GAA: variants seen among roughly 807,000 people sequenced by gnomAD.
GAA encodes lysosomal alpha-glucosidase.
Under a neutral mutation model 103.9 loss-of-function variants are expected in GAA, and 88 were observed. The observed-to-expected ratio is 0.85, with a 90% CI of 0.71 to 1.01. The LOEUF (loss-of-function observed/expected upper bound fraction) is 1.01, where lower values mean the gene tolerates loss of function less well. Among genes scored for constraint, GAA ranks in the 50% least tolerant of loss-of-function variants. The pLI is 0.00. For synonymous variants in GAA, 572 were observed against 563.1 expected (o/e 1.02, Z -0.22); for missense variants, 1,350 against 1,305.3 (o/e 1.03, Z -0.53).
chr17:80,119,271 G>C lies in GAA; in HGVS notation c.2800-1G>C, dbSNP rs1328159128. The C allele has an allele frequency of 6.2e-7, 1 of 1,614,008 alleles. No homozygotes were observed. The highest frequency in any genetic ancestry group is 8.5e-7 in the Non-Finnish European group (1 of 1,179,900). On this transcript the variant is annotated splice_acceptor_variant, in intron 19 of 19. Transcript: ENST00000302262. LOFTEE classifies it high-confidence loss of function. ...CTCCATTTGTGCTCTCTCTTTTCCA[G>C]GTCCTGGACATCTGTGTCTCGCTGT...
At position 80,110,713 on chromosome 17, in the gene GAA, C is replaced by T; in HGVS notation, c.1438-14C>T. 5.6e-6 allele frequency: 9 copies of T among 1,612,204 alleles called. No individual in the cohort carries two copies. The highest frequency in any genetic ancestry group is 7.6e-6 in the Non-Finnish European group (9 of 1,178,688). ...TGGGGCCGGGTCTCCCCACTGCAGC[C>T]TCTCGTTGTCCAGGTATGGCCCGGG... On this transcript the variant is annotated splice_polypyrimidine_tract_variant and intron_variant, in intron 9 of 19. Transcript: ENST00000302262.
intron 1 of GAA, chr17:80,102,530 A>G (rs2038978614): frequency 6.6e-6 from 1 of 152,236 alleles, no homozygotes; most frequent in Non-Finnish European, 1.5e-5. Context: ...GGCTTAGTCA[A>G]CCATGCCTGC....
Position 80,113,000 on chromosome 17 carries a change from G to T in GAA, c.2013G>T (p.Met671Ile), listed in dbSNP as rs2039279895. 6.2e-7 allele frequency: 1 copy of T among 1,610,962 alleles called. No homozygotes were observed. Among genetic ancestry groups the T allele is most frequent in the Non-Finnish European group, 8.5e-7 (1 of 1,179,268 alleles). The stretch of plus-strand genomic sequence containing the variant: ...AGCTGGGGGCCTTCTACCCCTTCAT[G>T]CGGAACCACAACAGCCTGCTCAGTC... The part of the protein sequence containing the change: ...WTQLGAFYPF[M>I]RNHNSLLSLP... Residue 671 changes from methionine (M) to isoleucine (I), a missense_variant, in exon 14 of 20, where the codon ATG becomes ATT. By Grantham distance (10) the Met-to-Ile change is conservative (BLOSUM62 1). Coordinates refer to ENST00000302262, the MANE Select transcript of GAA (RefSeq NM_000152.5).
chr17:80,106,226 A>G (rs2039084083), intron 3 of GAA, among the ~76,000 whole-genome samples: 1 of 152,054 alleles, frequency 6.6e-6, no homozygotes, highest in African/African-American at 2.4e-5. Flanking sequence ...TTTTTTGCTC[A>G]TTCATTTACT....
intron 3 of GAA, among the ~76,000 whole-genome samples, chr17:80,106,646 G>A (rs769800137): frequency 2.6e-5 from 4 of 152,200 alleles, no homozygotes; most frequent in Non-Finnish European, 4.4e-5. Flanking sequence ...AGCTAGGTAT[G>A]GTGGTTCATG....
intron 3 of GAA, among the ~76,000 whole-genome samples, chr17:80,106,865 T>G (rs1458025452): frequency 6.6e-6 from 1 of 152,192 alleles, no homozygotes. Context: ...GAGGTTGCAG[T>G]GAACCATGAT....
intron 1 of GAA, among the ~76,000 whole-genome samples, chr17:80,103,438 C>T (rs2038999469): frequency 6.6e-6 from 1 of 152,176 alleles, no homozygotes; most frequent in Non-Finnish European, 1.5e-5. Context: ...CCACGCCCTC[C>T]CCATGGTGTA....
intron 5 of GAA, among the ~76,000 whole-genome samples, 162 bp from the exon 6 acceptor site, chr17:80,108,128 A>G (rs950923867): frequency 1.3e-5 from 2 of 152,170 alleles, no homozygotes; most frequent in Non-Finnish European, 2.9e-5. Context: ...GTCCCATGCC[A>G]GGTTCCTCCT....
At chr17:80,118,390 G>C (rs765813610) in intron 18 of GAA, 33 bp downstream of exon 18, 1 of 1,556,918 alleles carries the variant, frequency 6.4e-7, no homozygotes, top group Non-Finnish European at 8.7e-7. Flanking sequence ...CTGGTGGGCA[G>C]GGGCCGGCTC....
At chr17:80,102,218 G>C (rs1465347982) in intron 1 of GAA, 1 of 152,354 alleles carries the variant, frequency 6.6e-6, no homozygotes, top group Non-Finnish European at 1.5e-5. Context: ...CTGGGGTGAG[G>C]AGCACCGTGG....
chr17:80,113,173 G>A (rs375909510), intron 14 of GAA, 45 bp from the exon 15 acceptor site: 90 of 1,558,218 alleles, frequency 5.8e-5, no homozygotes, highest in Middle Eastern at 1.7e-4. Flanking sequence ...AGGGGACCGC[G>A]GCCCCAGCAC....
chr17:80,117,020 G>C lies in GAA; in HGVS notation c.2242G>C (p.Glu748Gln). The change falls in exon 16 of 20, where the codon GAG becomes CAG. Residue 748 changes from glutamate (E) to glutamine (Q), a missense_variant. Physicochemically the swap from Glu to Gln is conservative, Grantham distance 29 (BLOSUM62 2). Transcript: ENST00000302262. ...WTVDHQLLWG[E>Q]ALLITPVLQA... The stretch of plus-strand genomic sequence containing the variant: ...TGTGGACCACCAGCTCCTGTGGGGG[G>C]AGGCCCTGCTCATCACCCCAGTGCT... The C allele has an allele frequency of 6.2e-7, 1 of 1,613,750 alleles. No individual in the cohort carries two copies. The highest frequency in any genetic ancestry group is 1.1e-5 in the South Asian group (1 of 91,088).
chr17:80,115,198 G>A (rs564092517), intron 15 of GAA, among the ~76,000 whole-genome samples: 3 of 152,134 alleles, frequency 2.0e-5, no homozygotes, highest in African/African-American at 7.2e-5. Context: ...TGGGACTTCC[G>A]TTCCACACAT....
Position 80,118,693 on chromosome 17 carries a change from GAGCTGGCCTGCAGCTGC to G in GAA, c.2690_2706del (p.Ala897GlufsTer115). Reference sequence around the variant, plus strand: ...GAGCTGGTACGTGTGACCAGTGAGGGAGCTGGCCTGCAGCTGCAGAAGGTGACTGTCCTGGGCGTGGC... The same window carrying G: ...GAGCTGGTACGTGTGACCAGTGAGGGAGAAGGTGACTGTCCTGGGCGTGGC... On this transcript the variant is annotated frameshift_variant, in exon 19 of 20. Coordinates refer to ENST00000302262, the MANE Select transcript of GAA (RefSeq NM_000152.5). LOFTEE classifies it high-confidence loss of function. The G allele has an allele frequency of 2.5e-6, 4 of 1,613,040 alleles. No homozygotes were observed. Among genetic ancestry groups the G allele is most frequent in the Non-Finnish European group, 3.4e-6 (4 of 1,179,988 alleles).
Position 80,113,341 on chromosome 17 carries a change from A to G in GAA, c.2164A>G (p.Thr722Ala), listed in dbSNP as rs774307734. ...CCACCAGGCCCACGTCGCGGGGGAG[A>G]CCGTGGCCCGGCCCCTCTTCCTGGA... is the stretch of plus-strand genomic sequence containing the variant. ...LFHQAHVAGETVARPLFLEFP... is the reference protein window; with the variant it reads ...LFHQAHVAGEAVARPLFLEFP... The change falls in exon 15 of 20, where the codon ACC (threonine) becomes GCC (alanine). Residue 722 changes from threonine (T) to alanine (A), a missense_variant. Thr to Ala is a moderately conservative substitution (Grantham distance 58). Transcript: ENST00000302262. 6.3e-7 allele frequency: 1 copy of G among 1,590,644 alleles called. No individual in the cohort carries two copies.
chr17:80,113,957 G>A (rs1459186343), intron 15 of GAA, among the ~76,000 whole-genome samples: 1 of 151,692 alleles, frequency 6.6e-6, no homozygotes, highest in African/African-American at 2.4e-5. Context: ...GGAGGAGATT[G>A]CAGTGAGCCG....
intron 13 of GAA, 25 bp downstream of exon 13, chr17:80,112,736 C>T: frequency 5.0e-6 from 8 of 1,597,588 alleles, no homozygotes; most frequent in Non-Finnish European, 6.8e-6. Flanking sequence ...GGAGGGGCTG[C>T]TCAGCAGAGT....
chr17:80,108,694 C>T lies in GAA; in HGVS notation c.1195-3C>T, dbSNP rs761795224. 6.2e-7 allele frequency: 1 copy of T among 1,612,230 alleles called. No homozygotes were observed. Among genetic ancestry groups the T allele is most frequent in the Non-Finnish European group, 8.5e-7 (1 of 1,179,842 alleles). On this transcript the variant is annotated splice_region_variant and splice_polypyrimidine_tract_variant and intron_variant, in intron 7 of 19. Transcript: ENST00000302262. ...AGCAGACGGTCCCGTGTTGTGGCTG[C>T]AGGACGTCCAGTGGAACGACCTGGA...
chr17:80,117,125 CT>C lies in GAA; in HGVS notation c.2331+17del, dbSNP rs1567839149. 9.9e-6 allele frequency: 16 copies of C among 1,611,558 alleles called. No individual in the cohort carries two copies. The South Asian group carries it at 1.8e-4, about 18-fold the overall frequency. On this transcript the variant is annotated intron_variant, in intron 16 of 19. Transcript: ENST00000302262. ...CCTGCAGACGGTGAGTCTGGGGACC[CT>C]AAGCCCTGGGGAGACGGGAGACCAG...
Sources: allele counts gnomAD v4.1 joint callset (sites outside exome capture counted in the v4.1 genomes callset), GRCh38; gene constraint gnomAD v4.1.1; transcripts MANE v1.5; gene names NCBI Gene and HGNC (gene_info 2026-07-23, HGNC 2026-07-21).